TTN: variants seen among roughly 807,000 people sequenced by gnomAD.
TTN encodes the protein connectin.
In TTN, 1,525 loss-of-function variants were observed where a neutral mutation model predicts 3,223.0. That is an observed-to-expected ratio of 0.47 (90% CI 0.45 to 0.49). The LOEUF is 0.49. Among genes scored for constraint, TTN ranks in the 20% least tolerant of loss-of-function variants. TTN has a pLI of 0.00. For missense variants in TTN, 40,786 were observed against 43,424.0 expected (o/e 0.94, Z 5.40); for synonymous variants, 14,094 against 15,161.0 (o/e 0.93, Z 5.17).
Position 178,601,500 on chromosome 2 carries a change from TG to T in TTN, c.55496del (p.Ser18499TyrfsTer41). ...SDITRGSCRL[S>X]WKMPDDDGGD... ...CTCCATCGTCGTCTGGCATCTTCCA[TG>T]AAAGTCTGCAACTACCCCTTGTGAT... On this transcript the variant is annotated frameshift_variant, in exon 287 of 363. Coordinates refer to ENST00000589042, the MANE Select transcript of TTN (RefSeq NM_001267550.2). LOFTEE classifies it high-confidence loss of function. 6.2e-7 allele frequency: 1 copy of T among 1,613,062 alleles called. No homozygotes were observed. The highest frequency in any genetic ancestry group is 8.5e-7 in the Non-Finnish European group (1 of 1,179,308).
Position 178,553,826 on chromosome 2 carries a change from A to G in TTN, c.89198-19T>C. On this transcript the variant is annotated intron_variant, in intron 333 of 362. Transcript: ENST00000589042. Reference sequence around the variant, plus strand: ...GGAGGATCTGGAATGGCCATTCACAATAAAATAATTACACAATCATGTACA... The same window carrying G: ...GGAGGATCTGGAATGGCCATTCACAGTAAAATAATTACACAATCATGTACA... 1 of 1,568,828 alleles carries G rather than the reference A, an allele frequency of 6.4e-7. No individual in the cohort carries two copies. The highest frequency in any genetic ancestry group is 8.6e-7 in the Non-Finnish European group (1 of 1,158,652).
Position 178,530,950 on chromosome 2 carries a change from C to T in TTN, c.105665G>A (p.Arg35222Lys), listed in dbSNP as rs778776695. The change falls in exon 358 of 363, where the codon AGG becomes AAG. Residue 35222 changes from arginine to lysine, a missense_variant. Transcript: ENST00000589042. ...TGATGTCACAGCCTTTTCAGTTACCCTGGCCTTTTGAATAGTCAGAGTGAA... is the reference window on the plus strand; with the variant it reads ...TGATGTCACAGCCTTTTCAGTTACCTTGGCCTTTTGAATAGTCAGAGTGAA... The part of the protein sequence containing the change: ...AEFTLTIQKA[R>K]VTEKAVTSPP... 5 of 1,613,968 alleles carry T rather than the reference C, an allele frequency of 3.1e-6. No individual in the cohort carries two copies. The East Asian group carries it at 1.1e-4, about 36-fold the overall frequency.
chr2:178,562,070 G>C lies in TTN; in HGVS notation c.84062C>G (p.Ser28021Cys). Residue 28021 changes from serine (S) to cysteine (C), a missense_variant, in exon 326 of 363, where the codon TCT (serine) becomes TGT (cysteine). Coordinates refer to ENST00000589042, the MANE Select transcript of TTN (RefSeq NM_001267550.2). ...ATCTTCCTTTGAAGCTTCCTTAATA[G>C]ATAGTGATGTTACAGTCTTTGAAGA... ...VSSSKTVTSL[S>C]IKEASKEDVG... The C allele has an allele frequency of 6.2e-7, 1 of 1,613,346 alleles. No homozygotes were observed. Among genetic ancestry groups the C allele is most frequent in the South Asian group, 1.1e-5 (1 of 91,036 alleles).
chr2:178,762,711 A>T (rs771207663), intron 43 of TTN, among the ~76,000 whole-genome samples: 1 of 152,180 alleles, frequency 6.6e-6, no homozygotes, highest in Non-Finnish European at 1.5e-5. Flanking sequence ...TCATTTATTA[A>T]TATTTAGCAT....
Position 178,535,472 on chromosome 2 carries a change from A to G in TTN, c.101143T>C (p.Ser33715Pro). The G allele has an allele frequency of 6.2e-7, 1 of 1,613,890 alleles. No individual in the cohort carries two copies. The highest frequency in any genetic ancestry group is 1.3e-5 in the African/African-American group (1 of 75,038). ...TTGGTGATTTTGCTGCCACCATCAGAGGCTGGCTCAGTCCATGTTAAGTTG... is the reference window on the plus strand; with the variant it reads ...TTGGTGATTTTGCTGCCACCATCAGGGGCTGGCTCAGTCCATGTTAAGTTG... ...SVNLTWTEPA[S>P]DGGSKITNYI... Residue 33715 changes from serine to proline, a missense_variant, in exon 358 of 363, where the codon TCT becomes CCT. By Grantham distance (74) the Ser-to-Pro change is moderately conservative. Transcript: ENST00000589042.
rs182716235 is a variant in TTN, at chr2:178,600,004, C to T, written c.56051-154G>A. On this transcript the variant is annotated intron_variant, in intron 288 of 362. Transcript: ENST00000589042. The stretch of plus-strand genomic sequence containing the variant: ...AATGGTTCTGTCTTTAACACTATTA[C>T]GCTAGTTTGGGGAGCAGGTACACGG... Among the ~76,000 whole-genome samples, 50 of 152,090 alleles carry T rather than the reference C, an allele frequency of 3.3e-4. No homozygotes were observed. In the East Asian group the frequency reaches 6.8e-3, roughly 21 times the overall value.
intron 122 of TTN, 48 bp from the exon 123 acceptor site, chr2:178,689,643 A>G (rs773688118): frequency 7.2e-6 from 11 of 1,526,686 alleles, no homozygotes; most frequent in South Asian, 3.7e-5. Flanking sequence ...TAAAGTAGCT[A>G]TGCACAGTTA....
At chr2:178,747,165 C>G (rs933823544) in intron 47 of TTN, 1 of 1,610,232 alleles carries the variant, frequency 6.2e-7, no homozygotes, top group Admixed American at 1.7e-5. Flanking sequence ...TCTAGAGTCT[C>G]TCCTGGGGGT....
chr2:178,563,735 G>A lies in TTN; in HGVS notation c.82397C>T (p.Pro27466Leu), dbSNP rs1311438025. The change falls in exon 326 of 363, where the codon CCT becomes CTT. Residue 27466 changes from proline to leucine, a missense_variant. Physicochemically the swap from Pro to Leu is moderately conservative, Grantham distance 98. Transcript: ENST00000589042. This position sits in a 1 kb window ranked among gnomAD's most constrained non-coding sequence, Gnocchi z 4.5. ...TGAGGGAGGACCTGGTGGCTTATAA[G>A]GATTACAGGCCGTAACAGGCCCAGA... ...LESGPVTACN[P>L]YKPPGPPSTP... 6.2e-7 allele frequency: 1 copy of A among 1,613,530 alleles called. No homozygotes were observed. Among genetic ancestry groups the A allele is most frequent in the African/African-American group, 1.3e-5 (1 of 74,868 alleles).
chr2:178,569,581 C>T lies in TTN; in HGVS notation c.76551G>A (p.Arg25517=), dbSNP rs1388913514. 1 of 1,612,824 alleles carries T rather than the reference C, an allele frequency of 6.2e-7. No individual in the cohort carries two copies. Residue 25517 remains arginine (R), a synonymous_variant, in exon 326 of 363, where the codon AGG becomes AGA. Transcript: ENST00000589042. ...CACCTGCCCTTATATTTATGATTTT[C>T]CTTAGTTCTAGGTCAAGATCAATGT... The part of the protein sequence containing the change: ...APDIDLDLEL[R]KIINIRAGGS...
At position 178,588,540 on chromosome 2, in the gene TTN, A is replaced by C. The variant is rs575313522; in HGVS notation, c.63185T>G (p.Ile21062Arg). 13 of 1,523,724 alleles carry C rather than the reference A, an allele frequency of 8.5e-6. No homozygotes were observed. The African/African-American group carries it at 1.5e-4, about 18-fold the overall frequency. 94.4% of individuals were successfully genotyped at this position (1,523,724 alleles called of 1,614,324 possible). ...CAGAAAAAACAAGGACATCCTACCT[A>C]TGGGGTCTTTTGCCACCACCGGTCT... is the stretch of plus-strand genomic sequence containing the variant. ...PSRPVVAKDP[I>R]EPPGPPTNFR... The change falls in exon 304 of 363, where the codon ATA becomes AGA. Residue 21062 changes from isoleucine (I) to arginine (R), a missense_variant and splice_region_variant. Transcript: ENST00000589042.
intron 41 of TTN, among the ~76,000 whole-genome samples, 155 bp downstream of exon 41, chr2:178,766,226 T>C (rs1467972609): frequency 6.6e-6 from 1 of 152,126 alleles, no homozygotes; most frequent in Non-Finnish European, 1.5e-5. Flanking sequence ...CCCTCCCTTT[T>C]CCATAGATAT....
At chr2:178,652,592 A>C in intron 201 of TTN, 51 bp from the exon 202 acceptor site, 1 of 1,612,414 alleles carries the variant, frequency 6.2e-7, no homozygotes, top group Non-Finnish European at 8.5e-7. Context: ...GACCATTAGG[A>C]AAAATATTTT....
chr2:178,726,455 C>A (rs1044433279), intron 69 of TTN: 1 of 155,890 alleles, frequency 6.4e-6, no homozygotes, highest in South Asian at 2.1e-4. Flanking sequence ...ATCACAACAT[C>A]CGTGATCTAA....
At chr2:178,684,224 A>ACAT (rs2070213096) in intron 132 of TTN, 106 bp downstream of exon 132, 9 of 1,139,968 alleles carry the variant, frequency 7.9e-6, no homozygotes, top group South Asian at 1.6e-5. Flanking sequence ...AACAACAACA[A>ACAT]CATCAACAAC....
chr2:178,532,906 C>T lies in TTN; in HGVS notation c.103709G>A (p.Trp34570Ter). ...KQFVPMSDMKWYKKIRDQYEM... is the reference protein window; with the variant it reads ...KQFVPMSDMK ...ATACTGATCACGTATCTTTTTATAC[C>T]ACTTCATGTCAGACATGGGCACGAA... Residue 34570 changes from tryptophan (W) to a stop codon, truncating the protein, a stop_gained, in exon 358 of 363, where the codon TGG becomes TAG. Coordinates refer to ENST00000589042, the MANE Select transcript of TTN (RefSeq NM_001267550.2). LOFTEE classifies it high-confidence loss of function. The T allele has an allele frequency of 6.2e-7, 1 of 1,613,856 alleles. No homozygotes were observed. Among genetic ancestry groups the T allele is most frequent in the Non-Finnish European group, 8.5e-7 (1 of 1,179,866 alleles).
At chr2:178,801,650 A>G (rs1424841496) in intron 3 of TTN, among the ~76,000 whole-genome samples, 1 of 152,260 alleles carries the variant, frequency 6.6e-6, no homozygotes, top group Admixed American at 6.5e-5. Context: ...TTTCTGGGGA[A>G]ACAGTGTCAT....
Position 178,714,311 on chromosome 2 carries a change from G to A in TTN, c.26463C>T (p.Phe8821=), listed in dbSNP as rs551600321. ...IKNDAGMQEC[F]ATLSVLEPAT... is the part of the protein sequence containing the mutation. ...ACTAACCGAGAACGGATAGCGTGGC[G>A]AAGCACTCTTGCATCCCAGCATCGT... The change falls in exon 91 of 363, where the codon TTC becomes TTT. Residue 8821 remains phenylalanine, a synonymous_variant. Transcript: ENST00000589042. 41 of 1,612,932 alleles carry A rather than the reference G, an allele frequency of 2.5e-5. No homozygotes were observed. Among genetic ancestry groups the A allele is most frequent in the East Asian group, 4.5e-5 (2 of 44,860 alleles).
chr2:178,611,045 T>G lies in TTN; in HGVS notation c.51084A>C (p.Thr17028=). The G allele has an allele frequency of 6.2e-7, 1 of 1,612,750 alleles. No individual in the cohort carries two copies. Among genetic ancestry groups the G allele is most frequent in the Non-Finnish European group, 8.5e-7 (1 of 1,179,148 alleles). The change falls in exon 270 of 363, where the codon ACA becomes ACC. Residue 17028 remains threonine, a synonymous_variant. Coordinates refer to ENST00000589042, the MANE Select transcript of TTN (RefSeq NM_001267550.2). The stretch of plus-strand genomic sequence containing the variant: ...TTGCTGAGCCGAGCTTATTCTCCAG[T>G]GTAATGGTATAAATTCCGGCATCTG... ...VRADAGIYTI[T]LENKLGSATA... is the part of the protein sequence containing the mutation.
Sources: gnomAD v4.1 joint callset for allele counts (sites outside exome capture counted in the v4.1 genomes callset) on GRCh38, gnomAD v4.1.1 for gene constraint, Gnocchi (gnomAD v3.1) non-coding constraint, MANE v1.5 for transcripts, NCBI Gene and HGNC (gene_info 2026-07-23, HGNC 2026-07-21) for gene names.